Variants in PANX1 observed in about 807,000 individuals in gnomAD.
The protein encoded by PANX1 is pannexin 1, also known as pannexin-1.
In PANX1, 30 loss-of-function variants were observed where a neutral mutation model predicts 38.7. The ratio of observed to expected loss-of-function variants is 0.78; its 90% CI spans 0.58 to 1.05. PANX1 has a LOEUF of 1.05. Among genes scored for constraint, PANX1 ranks in the 50% least tolerant of loss-of-function variants. The probability of loss-of-function intolerance (pLI) is 0.00; values close to 1 mark genes in which losing one functional copy is unlikely to be tolerated. For synonymous variants in PANX1, 230 were observed against 212.2 expected, an observed-to-expected ratio of 1.08 and a Z score of -0.73; for missense variants, 551 against 517.2, an observed-to-expected ratio of 1.07 and a Z score of -0.63.
intron 1 of PANX1, among the ~76,000 whole-genome samples, chr11:94,134,618 A>G (rs1946665900): frequency 6.6e-6 from 1 of 151,674 alleles, no homozygotes; most frequent in South Asian, 2.1e-4. Flanking sequence ...TAGAAAAAGA[A>G]GAAATCCCTC....
At chr11:94,146,469 AG>A (rs1466886202) in intron 1 of PANX1, among the ~76,000 whole-genome samples, 8 of 152,306 alleles carry the variant, frequency 5.3e-5, no homozygotes, top group Admixed American at 4.6e-4. Flanking sequence ...ATCATTGCAC[AG>A]GGGGAAAGGC....
chr11:94,165,245 C>CT (rs1947089578), intron 2 of PANX1, among the ~76,000 whole-genome samples: 1 of 151,120 alleles, frequency 6.6e-6, no homozygotes, highest in South Asian at 2.1e-4. Flanking sequence ...GTTAGTTTCT[C>CT]TTTTTTTCCT....
At chr11:94,133,947 C>T (rs982439945) in intron 1 of PANX1, among the ~76,000 whole-genome samples, 6 of 152,182 alleles carry the variant, frequency 3.9e-5, no homozygotes, top group African/African-American at 4.8e-5. Context: ...CTTGGAAGTG[C>T]GCCCTCTGAG....
chr11:94,136,603 C>T (rs1946694531), intron 1 of PANX1, among the ~76,000 whole-genome samples: 1 of 151,716 alleles, frequency 6.6e-6, no homozygotes, highest in Non-Finnish European at 1.5e-5. Flanking sequence ...CCTGTCTCTA[C>T]TAAAAATACA....
intron 2 of PANX1, among the ~76,000 whole-genome samples, chr11:94,160,688 G>A (rs987309433): frequency 2.0e-5 from 3 of 152,106 alleles, no homozygotes; most frequent in Non-Finnish European, 4.4e-5. Flanking sequence ...CAATTTGCCA[G>A]TCTGTGTCTT....
At chr11:94,129,706 A>C (rs1307084288) in intron 1 of PANX1, among the ~76,000 whole-genome samples, 1 of 152,092 alleles carries the variant, frequency 6.6e-6, no homozygotes, top group East Asian at 1.9e-4. Flanking sequence ...CCTACTCCTC[A>C]GTTCTTTTGT....
chr11:94,149,632 C>G (rs1452113888), intron 1 of PANX1, among the ~76,000 whole-genome samples: 1 of 152,308 alleles, frequency 6.6e-6, no homozygotes, highest in East Asian at 1.9e-4. Flanking sequence ...CCTGAAACTC[C>G]TTTCTTTCTT....
intron 2 of PANX1, among the ~76,000 whole-genome samples, chr11:94,160,226 G>A (rs897696634): frequency 6.6e-6 from 1 of 152,198 alleles, no homozygotes; most frequent in Non-Finnish European, 1.5e-5. Flanking sequence ...GGACAGTTCT[G>A]TAGATGTCTA....
At chr11:94,154,727 A>G (rs1389125109) in intron 2 of PANX1, among the ~76,000 whole-genome samples, 1 of 152,156 alleles carries the variant, frequency 6.6e-6, no homozygotes, top group African/African-American at 2.4e-5. Flanking sequence ...TTTGTGTGTA[A>G]CATTTGACTT....
At chr11:94,142,423 CTG>C (rs1006094829) in intron 1 of PANX1, among the ~76,000 whole-genome samples, 8 of 152,172 alleles carry the variant, frequency 5.3e-5, no homozygotes, top group Non-Finnish European at 5.9e-5. Flanking sequence ...ACTTCCCAGT[CTG>C]TCACCCCAGG....
intron 1 of PANX1, among the ~76,000 whole-genome samples, chr11:94,151,075 T>C (rs1365956032): frequency 2.6e-5 from 4 of 152,186 alleles, no homozygotes; most frequent in Non-Finnish European, 5.9e-5. Context: ...AAAATAATGA[T>C]GTGTCTCTCC....
intron 2 of PANX1, among the ~76,000 whole-genome samples, chr11:94,162,363 C>T (rs370839766): frequency 1.3e-5 from 2 of 152,308 alleles, no homozygotes; most frequent in South Asian, 2.1e-4. Context: ...GTGGTGGGCT[C>T]CACCCATTTC....
intron 1 of PANX1, among the ~76,000 whole-genome samples, chr11:94,131,848 C>A (rs188973075): frequency 6.6e-6 from 1 of 152,010 alleles, no homozygotes; most frequent in Non-Finnish European, 1.5e-5. Context: ...ATGCACTCAG[C>A]CAAAAACAAA....
chr11:94,173,070 G>A (rs1365982753), intron 2 of PANX1, among the ~76,000 whole-genome samples: 4 of 151,680 alleles, frequency 2.6e-5, no homozygotes, highest in Non-Finnish European at 5.9e-5. Context: ...CTTGACTCCC[G>A]CTGTCTAGGA....
intron 2 of PANX1, among the ~76,000 whole-genome samples, chr11:94,165,839 A>G (rs1007355170): frequency 1.3e-5 from 2 of 152,188 alleles, no homozygotes; most frequent in African/African-American, 2.4e-5. Context: ...GAACTTACCA[A>G]GAGGCAGAGG....
rs370344244 is a variant in PANX1 at position 94,159,598 on chromosome 11, C to T, written c.321+5968C>T. ...ATATCCCCTTTATCATTTTTTATTG[C>T]GTCTATTTGATTCTTCTCTCTTTTC... On this transcript the variant is annotated intron_variant, in intron 2 of 4. Transcript: ENST00000227638. Among the ~76,000 whole-genome samples, 298 of 151,992 alleles carry T rather than the reference C, an allele frequency of 2.0e-3. 1 individual carries two copies. The highest frequency in any genetic ancestry group is 5.8e-3 in the African/African-American group (242 of 41,458).
intron 2 of PANX1, 46 bp from the exon 3 acceptor site, chr11:94,178,323 G>T (rs758247331): frequency 1.4e-6 from 2 of 1,419,590 alleles, no homozygotes; most frequent in South Asian, 1.2e-5. Context: ...ATAGGTTACT[G>T]CATGGGGGGT....
At chr11:94,167,262 C>T (rs1947112513) in intron 2 of PANX1, among the ~76,000 whole-genome samples, 2 of 152,144 alleles carry the variant, frequency 1.3e-5, no homozygotes, top group African/African-American at 2.4e-5. Flanking sequence ...AGTGCAAGAC[C>T]GTACTTCCTA....
At chr11:94,131,261 G>A (rs1052215942) in intron 1 of PANX1, among the ~76,000 whole-genome samples, 1 of 152,194 alleles carries the variant, frequency 6.6e-6, no homozygotes, top group Admixed American at 6.5e-5. Context: ...ACATGTACTA[G>A]AGGGACTCCT....
Sources: allele counts gnomAD v4.1 joint callset (sites outside exome capture counted in the v4.1 genomes callset), GRCh38; gene constraint gnomAD v4.1.1; transcripts MANE v1.5; gene names NCBI Gene and HGNC (gene_info 2026-07-23, HGNC 2026-07-21).